Variants in B4GALT1 observed in about 807,000 individuals in gnomAD.
The protein encoded by B4GALT1 is beta-1,4-galactosyltransferase 1, also known as N-acetyllactosamine synthase.
A neutral mutation model predicts 34.9 loss-of-function variants in B4GALT1; 16 were observed. The observed-to-expected ratio is 0.46, with a 90% confidence interval of 0.31 to 0.70. The LOEUF (loss-of-function observed/expected upper bound fraction) is 0.70. B4GALT1 is among the 30% of genes least tolerant of loss of function. B4GALT1 has a pLI of 0.05. For synonymous variants in B4GALT1, 221 were observed against 218.1 expected (o/e 1.01, Z -0.12); for missense variants, 445 against 530.5 (o/e 0.84, Z 1.58).
downstream of B4GALT1, chr9:33,108,909 CTAGGAGAATCTTTTGTTCTAATATTTATG>C (rs1320401708): frequency 3.8e-4 from 13 of 34,452 alleles, no homozygotes; most frequent in Non-Finnish European, 1.3e-3. Context: ...AATATTTATG[CTAGGAGAATCTTTTGTTCTAATATTTATG>C]CTAGGAGAAT....
chr9:33,138,145 A>G (rs1271892553), intron 1 of B4GALT1, among the ~76,000 whole-genome samples: 1 of 152,176 alleles, frequency 6.6e-6, no homozygotes, highest in African/African-American at 2.4e-5. Context: ...CGCGGGACAG[A>G]CACCTGCAGG....
rs780479634 is a variant in B4GALT1, at chr9:33,116,120, G to A, written c.837-7C>T. 6.2e-7 allele frequency: 1 copy of A among 1,612,218 alleles called. No homozygotes were observed. The highest frequency in any genetic ancestry group is 2.2e-5 in the East Asian group (1 of 44,794). On this transcript the variant is annotated splice_polypyrimidine_tract_variant and splice_region_variant and intron_variant, in intron 3 of 5. Transcript: ENST00000379731. The stretch of plus-strand genomic sequence containing the variant: ...ATACTGAACATAAGGTAGGCTGGAG[G>A]AAAAACATACACACAGAAGGAGCAG...
intron 1 of B4GALT1, among the ~76,000 whole-genome samples, chr9:33,135,889 A>AAGAG (rs201112848): frequency 8.5e-5 from 8 of 94,546 alleles, no homozygotes; most frequent in East Asian, 5.8e-4. Flanking sequence ...CTAACTGGGG[A>AAGAG]AGTGTGTGTG....
chr9:33,123,683 T>A (rs1160281503), intron 2 of B4GALT1, among the ~76,000 whole-genome samples: 1 of 152,198 alleles, frequency 6.6e-6, no homozygotes, highest in African/African-American at 2.4e-5. Context: ...CTACTGGCCT[T>A]GGCTGTTTGA....
intron 2 of B4GALT1, among the ~76,000 whole-genome samples, chr9:33,124,159 A>G (rs1344362652): frequency 2.6e-5 from 4 of 152,180 alleles, no homozygotes; most frequent in Admixed American, 2.6e-4. Context: ...AAATGCTGTA[A>G]CACTGGGGCA....
intron 2 of B4GALT1, among the ~76,000 whole-genome samples, chr9:33,129,186 G>T (rs189041092): frequency 7.9e-4 from 120 of 152,242 alleles, no homozygotes; most frequent in Middle Eastern, 3.4e-3. Context: ...TCTGGGGGAT[G>T]GGGGGAGGTG....
In B4GALT1 at chr9:33,116,590, G is replaced by A. The variant is rs186570283; in HGVS notation, c.837-477C>T. Among the ~76,000 whole-genome samples, 76 of 138,392 alleles carry A rather than the reference G, an allele frequency of 5.5e-4. 1 individual carries two copies. Among genetic ancestry groups the A allele is most frequent in the African/African-American group, 1.8e-3 (65 of 37,034 alleles). The allele number at this position is 138,392 out of a possible 152,430, so 90.8% of individuals were successfully genotyped here. A position where few individuals can be genotyped will look rare whatever the true frequency, so the allele number is the denominator to read the frequency against. ...GGCTGGAGTACAATGGCGTGATCTC[G>A]GCTCACTGCAACCTCCGCCTCCCAG... On this transcript the variant is annotated intron_variant, in intron 3 of 5. Transcript: ENST00000379731.
chr9:33,150,233 TACACACACACACAC>T (rs10701535), intron 1 of B4GALT1, among the ~76,000 whole-genome samples: 3 of 138,132 alleles, frequency 2.2e-5, no homozygotes, highest in African/African-American at 8.2e-5. Context: ...TACAGGTAGA[TACACACACACACAC>T]ACACACACAC....
intron 1 of B4GALT1, among the ~76,000 whole-genome samples, chr9:33,157,548 G>GGATAAAAATGGATAAAAA (rs1840613756): frequency 6.6e-6 from 1 of 152,126 alleles, no homozygotes; most frequent in Non-Finnish European, 1.5e-5. Context: ...GATAAAAATG[G>GGATAAAAATGGATAAAAA]CTGCATGCAA....
At chr9:33,139,832 G>A (rs980197193) in intron 1 of B4GALT1, among the ~76,000 whole-genome samples, 4 of 152,260 alleles carry the variant, frequency 2.6e-5, no homozygotes, top group African/African-American at 9.6e-5. Context: ...CTTGCTGTGC[G>A]GCGCATGGCG....
At chr9:33,151,597 G>A (rs1840518543) in intron 1 of B4GALT1, among the ~76,000 whole-genome samples, 1 of 152,196 alleles carries the variant, frequency 6.6e-6, no homozygotes, top group African/African-American at 2.4e-5. Flanking sequence ...AGATGTAAGT[G>A]AAATAATACA....
chr9:33,162,901 T>C (rs1171130505), intron 1 of B4GALT1, among the ~76,000 whole-genome samples: 1 of 152,172 alleles, frequency 6.6e-6, no homozygotes, highest in African/African-American at 2.4e-5. Flanking sequence ...CAAATAGTCA[T>C]GGAGGGTATT....
upstream of B4GALT1, among the ~76,000 whole-genome samples, chr9:33,171,097 C>T (rs116263488): frequency 6.0e-3 from 916 of 152,342 alleles, 13 homozygotes; most frequent in African/African-American, 0.021. Flanking sequence ...TCAAATAGTG[C>T]CCGGCACATG....
the B4GALT1 span, among the ~76,000 whole-genome samples, chr9:33,183,015 C>T: frequency 2.6e-5 from 4 of 152,066 alleles, no homozygotes; most frequent in Non-Finnish European, 5.9e-5. Flanking sequence ...CAGTAGTACC[C>T]GCTTATCCAT....
chr9:33,126,022 G>C (rs1414929816), intron 2 of B4GALT1, among the ~76,000 whole-genome samples: 1 of 152,192 alleles, frequency 6.6e-6, no homozygotes, highest in Non-Finnish European at 1.5e-5. Context: ...TACGTGATAA[G>C]AGAGACACTG....
chr9:33,165,121 CT>C (rs1383493234), intron 1 of B4GALT1, among the ~76,000 whole-genome samples: 1 of 151,944 alleles, frequency 6.6e-6, no homozygotes, highest in Non-Finnish European at 1.5e-5. Context: ...GCCACCACCC[CT>C]GGCTAACTTT....
intron 2 of B4GALT1, among the ~76,000 whole-genome samples, chr9:33,123,895 A>T (rs1018926542): frequency 6.6e-6 from 1 of 152,148 alleles, no homozygotes; most frequent in Non-Finnish European, 1.5e-5. Context: ...GAGATGCCCC[A>T]GTGTCCGGCC....
chr9:33,106,371 C>G (rs1300751722), downstream of B4GALT1, among the ~76,000 whole-genome samples: 1 of 152,196 alleles, frequency 6.6e-6, no homozygotes, highest in East Asian at 1.9e-4. Context: ...CTATTTCTTA[C>G]TCCTGGGAGC....
In B4GALT1 at chr9:33,113,243, A is replaced by G. The variant is rs1345818930; in HGVS notation, c.*211T>C. The G allele has an allele frequency of 1.1e-5, 7 of 666,022 alleles. No homozygotes were observed. The highest frequency in any genetic ancestry group is 1.8e-5 in the Non-Finnish European group (7 of 378,780). 41.3% of individuals were successfully genotyped at this position (666,022 alleles called of 1,614,324 possible). A position where few individuals can be genotyped will look rare whatever the true frequency, so the allele number is the denominator to read the frequency against. ...TCAAGAAACCCGCAAAGGCATAAAC[A>G]CCTTGCAGAGCTAAGAATTCACATG... On this transcript the variant is annotated 3_prime_UTR_variant, in exon 6 of 6. Coordinates refer to ENST00000379731, the MANE Select transcript of B4GALT1 (RefSeq NM_001497.4).
Sources: allele counts gnomAD v4.1 joint callset (sites outside exome capture counted in the v4.1 genomes callset), GRCh38; gene constraint gnomAD v4.1.1; transcripts MANE v1.5; gene names NCBI Gene and HGNC (gene_info 2026-07-23, HGNC 2026-07-21).